Variants in SERPINB10 observed in about 807,000 individuals in gnomAD.
The protein encoded by SERPINB10 is serpin B10.
In SERPINB10, 35 loss-of-function variants were observed where a neutral mutation model predicts 39.1. That is an observed-to-expected ratio of 0.90 (90% CI 0.68 to 1.19). SERPINB10 has a LOEUF of 1.19. SERPINB10 is among the 50% of genes most tolerant of loss of function. The pLI is 0.00. For synonymous variants in SERPINB10, 190 were observed against 158.1 expected (o/e 1.20, Z -1.52); for missense variants, 546 against 460.5 (o/e 1.19, Z -1.70).
chr18:63,915,102 TG>T (rs2050091728), intron 1 of SERPINB10, among the ~76,000 whole-genome samples: 1 of 152,092 alleles, frequency 6.6e-6, no homozygotes, highest in African/African-American at 2.4e-5. Flanking sequence ...TAGGTGCTGT[TG>T]GGTGCACGAA....
In SERPINB10 at chr18:63,923,095, C is replaced by G. The variant is rs756095396; in HGVS notation, c.490+3190C>G. ...CATACCACTGGTCAAATGAGAGGCA[C>G]CAAAAAATAAGCTCATGGTGGACAC... On this transcript the variant is annotated intron_variant, in intron 5 of 7. Transcript: ENST00000238508. 5.9e-5 allele frequency among the ~76,000 whole-genome samples: 9 copies of G among 151,936 alleles called. No homozygotes were observed. In the South Asian group the frequency reaches 1.9e-3, roughly 32 times the overall value.
chr18:63,915,470 A>G lies in SERPINB10; in HGVS notation c.-9-32A>G, dbSNP rs778009325. The G allele has an allele frequency of 2.7e-6, 4 of 1,466,564 alleles. No individual in the cohort carries two copies. In the Admixed American group the frequency reaches 5.6e-5, roughly 20 times the overall value. 90.8% of individuals were successfully genotyped at this position (1,466,564 alleles called of 1,614,324 possible). On this transcript the variant is annotated intron_variant, in intron 1 of 7. Transcript: ENST00000238508. ...AGGTGAAGTGGAAATAAATATTAATATGCTCTCTAATTTTTGCTTTATTTT... is the reference window on the plus strand; with the variant it reads ...AGGTGAAGTGGAAATAAATATTAATGTGCTCTCTAATTTTTGCTTTATTTT...
At chr18:63,915,712 T>C (rs1475433396) in intron 2 of SERPINB10, 34 bp downstream of exon 2, 1 of 1,558,194 alleles carries the variant, frequency 6.4e-7, no homozygotes, top group Non-Finnish European at 8.7e-7. Context: ...TTCTGTTTCT[T>C]GTAAGCTAAG....
chr18:63,923,962 A>G (rs1414674234), intron 5 of SERPINB10, among the ~76,000 whole-genome samples: 1 of 151,880 alleles, frequency 6.6e-6, no homozygotes, highest in African/African-American at 2.4e-5. Flanking sequence ...TTTCTCTTCA[A>G]GACTTATGGT....
intron 7 of SERPINB10, among the ~76,000 whole-genome samples, chr18:63,934,076 T>G (rs1013389592): frequency 6.6e-6 from 1 of 152,214 alleles, no homozygotes; most frequent in African/African-American, 2.4e-5. Context: ...CTGAAGATAC[T>G]GTCATGTTAT....
intron 5 of SERPINB10, among the ~76,000 whole-genome samples, chr18:63,925,459 T>C (rs1037419273): frequency 4.6e-5 from 7 of 151,968 alleles, no homozygotes; most frequent in Admixed American, 6.6e-5. Context: ...GGACTTTTTG[T>C]GGTGACAGAA....
chr18:63,932,338 T>C (rs1431858564), intron 6 of SERPINB10, among the ~76,000 whole-genome samples: 2 of 152,224 alleles, frequency 1.3e-5, no homozygotes, highest in Admixed American at 6.5e-5. Flanking sequence ...CCAACTGTTT[T>C]CCAAAGTGGC....
rs760254643 is a variant in SERPINB10, at chr18:63,915,631, A to G, written c.121A>G (p.Ile41Val). Residue 41 changes from isoleucine (I) to valine (V), a missense_variant, in exon 2 of 8, where the codon ATA (isoleucine) becomes GTA (valine). Ile to Val is a conservative substitution (Grantham distance 29). Coordinates refer to ENST00000238508, the MANE Select transcript of SERPINB10 (RefSeq NM_005024.3). ...CTGGAGCATCTCAACTTCCTTGACC[A>G]TAGTGTATTTGGGCGCCAAAGGTAC... The part of the protein sequence containing the change: ...SSWSISTSLT[I>V]VYLGAKGTTA... 20 of 1,612,556 alleles carry G rather than the reference A, an allele frequency of 1.2e-5. No homozygotes were observed. The highest frequency in any genetic ancestry group is 2.2e-5 in the East Asian group (1 of 44,820).
intron 7 of SERPINB10, among the ~76,000 whole-genome samples, chr18:63,933,607 A>G (rs1236916270): frequency 6.6e-6 from 1 of 152,328 alleles, no homozygotes; most frequent in East Asian, 1.9e-4. Context: ...TAATATTTTA[A>G]CCATTTGCAT....
Position 63,917,509 on chromosome 18 carries a change from A to G in SERPINB10, c.222A>G (p.Lys74=), listed in dbSNP as rs966795479. ...QGVKCDPESE[K]KRKMEFNLSN... ...TCAAATGTGACCCTGAAAGTGAAAA[A>G]AAAAGGAAAATGGTATATCTTATCC... Residue 74 remains lysine, a synonymous_variant, in exon 3 of 8, where the codon AAA becomes AAG. Transcript: ENST00000238508. 36 of 1,569,324 alleles carry G rather than the reference A, an allele frequency of 2.3e-5. No homozygotes were observed. Among genetic ancestry groups the G allele is most frequent in the Middle Eastern group, 1.8e-4 (1 of 5,462 alleles).
At chr18:63,912,192 T>C (rs2050069941) in intron 1 of SERPINB10, among the ~76,000 whole-genome samples, 3 of 152,046 alleles carry the variant, frequency 2.0e-5, no homozygotes, top group Non-Finnish European at 4.4e-5. Context: ...GTGGAGTCTT[T>C]AGGGTTTTGT....
At chr18:63,925,094 A>G (rs896612603) in intron 5 of SERPINB10, among the ~76,000 whole-genome samples, 95 of 152,162 alleles carry the variant, frequency 6.2e-4, no homozygotes, top group African/African-American at 2.1e-3. Flanking sequence ...AAGGAAATAT[A>G]TTGGAAATCA....
chr18:63,934,391 G>A (rs973645997), intron 7 of SERPINB10, among the ~76,000 whole-genome samples: 27 of 151,832 alleles, frequency 1.8e-4, no homozygotes, highest in African/African-American at 1.7e-4. Context: ...TTAATCTCAC[G>A]TTGTTTTGAT....
intron 1 of SERPINB10, among the ~76,000 whole-genome samples, chr18:63,913,456 A>G (rs2050079456): frequency 6.6e-6 from 1 of 152,004 alleles, no homozygotes; most frequent in African/African-American, 2.4e-5. Context: ...GCTGCATCTT[A>G]GAGACTTTGG....
At chr18:63,929,936 C>CTTTTAAAGAAAAAG (rs1246868140) in intron 5 of SERPINB10, 109 bp from the exon 6 acceptor site, 1 of 1,163,540 alleles carries the variant, frequency 8.6e-7, no homozygotes, top group African/African-American at 1.6e-5. Context: ...AAAACCAGGA[C>CTTTTAAAGAAAAAG]TTTTAAAGAA....
At chr18:63,918,152 G>T in intron 4 of SERPINB10, 50 bp downstream of exon 4, 3 of 1,584,412 alleles carry the variant, frequency 1.9e-6, no homozygotes, top group South Asian at 1.1e-5. Flanking sequence ...AGAGCAATGT[G>T]AGACCAATCA....
intron 1 of SERPINB10, among the ~76,000 whole-genome samples, chr18:63,913,746 T>C (rs1358692559): frequency 6.6e-6 from 1 of 152,050 alleles, no homozygotes; most frequent in African/African-American, 2.4e-5. Context: ...GTATATTTTG[T>C]GGTTGATGGC....
chr18:63,912,501 T>C (rs575765011), intron 1 of SERPINB10, among the ~76,000 whole-genome samples: 1 of 152,176 alleles, frequency 6.6e-6, no homozygotes, highest in Admixed American at 6.6e-5. Flanking sequence ...GAATGGATAT[T>C]GGATTTTATT....
At chr18:63,915,849 G>A (rs537809173) in intron 2 of SERPINB10, among the ~76,000 whole-genome samples, 171 bp downstream of exon 2, 4 of 152,000 alleles carry the variant, frequency 2.6e-5, no homozygotes, top group African/African-American at 9.7e-5. Context: ...TTGGTAAAGA[G>A]AATCAATTTG....
Sources: allele counts gnomAD v4.1 joint callset (sites outside exome capture counted in the v4.1 genomes callset), GRCh38; gene constraint gnomAD v4.1.1; transcripts MANE v1.5; gene names NCBI Gene and HGNC (gene_info 2026-07-23, HGNC 2026-07-21).